SLC38A10: variants seen among roughly 807,000 people sequenced by gnomAD.
The protein encoded by SLC38A10 is solute carrier family 38 member 10.
SLC38A10 carries 53 observed loss-of-function variants against 81.0 expected under a neutral mutation model. That is an observed-to-expected ratio of 0.65 (90% CI 0.53 to 0.82). The LOEUF (loss-of-function observed/expected upper bound fraction) is 0.82. Ranked by LOEUF, SLC38A10 falls within the 40% of genes least tolerant of loss-of-function variation. The pLI is 0.00. For synonymous variants in SLC38A10, 665 were observed against 655.3 expected (o/e 1.01, Z -0.23); for missense variants, 1,471 against 1,545.0 (o/e 0.95, Z 0.80).
chr17:81,246,790 G>A, intron 15 of SLC38A10, 95 bp downstream of exon 15: 1 of 1,513,756 alleles, frequency 6.6e-7, no homozygotes, highest in Non-Finnish European at 8.9e-7. Flanking sequence ...TCACGCTCAG[G>A]TCTAGAGGCC....
chr17:81,255,603 G>C (rs2062964511), intron 11 of SLC38A10, among the ~76,000 whole-genome samples: 1 of 152,204 alleles, frequency 6.6e-6, no homozygotes, highest in African/African-American at 2.4e-5. Context: ...CCACAGTAGA[G>C]GCGGCCACGG....
Position 81,280,674 on chromosome 17 carries a change from G to C in SLC38A10, c.561C>G (p.Ser187Arg). The C allele has an allele frequency of 6.2e-7, 1 of 1,609,710 alleles. No individual in the cohort carries two copies. Among genetic ancestry groups the C allele is most frequent in the Non-Finnish European group, 8.5e-7 (1 of 1,178,932 alleles). The change falls in exon 6 of 16, where the codon AGC (serine) becomes AGG (arginine). Residue 187 changes from serine (S) to arginine (R), a missense_variant. This residue lies in a region of SLC38A10 where 720 missense variants were observed against 827.7 expected (regional missense o/e 0.87). Transcript: ENST00000374759. ...GGAAGACGCCCTCCCAGCGGACGTA[G>C]CTGACCCGCCGCAGCCACTGCCCAC... ...LFSGQWLRRVSYVRWEGVFRC... is the reference protein window; with the variant it reads ...LFSGQWLRRVRYVRWEGVFRC...
rs897210970 is a variant in SLC38A10 at position 81,288,608 on chromosome 17, A to T, written c.217+1083T>A. 1 of 152,328 alleles carries T rather than the reference A, an allele frequency of 6.6e-6. No homozygotes were observed. The highest frequency in any genetic ancestry group is 2.4e-5 in the African/African-American group (1 of 41,460). The allele number at this position is 152,328 out of a possible 1,614,324, so 9.4% of individuals were successfully genotyped here. ...GCGCCCTCGAAGACAAACAACGTAG[A>T]AAATATTCCACACTGAAATGAAGCA... On this transcript the variant is annotated intron_variant, in intron 2 of 15. Coordinates refer to ENST00000374759, the MANE Select transcript of SLC38A10 (RefSeq NM_001037984.3). This position sits in a 1 kb window ranked among gnomAD's most constrained non-coding sequence, Gnocchi z 5.4.
chr17:81,292,416 C>T (rs1304501742), intron 1 of SLC38A10, among the ~76,000 whole-genome samples: 4 of 152,006 alleles, frequency 2.6e-5, no homozygotes, highest in African/African-American at 2.4e-5. Flanking sequence ...TGAGCCAACA[C>T]GCCCAGCTAT....
chr17:81,293,117 T>C (rs1368402220), intron 1 of SLC38A10, among the ~76,000 whole-genome samples: 1 of 152,218 alleles, frequency 6.6e-6, no homozygotes, highest in Non-Finnish European at 1.5e-5. Context: ...GAGCCGAGAC[T>C]GCACCACTGC....
chr17:81,254,894 G>C (rs565378525), intron 11 of SLC38A10, among the ~76,000 whole-genome samples: 1 of 152,270 alleles, frequency 6.6e-6, no homozygotes, highest in Non-Finnish European at 1.5e-5. Context: ...GGATTACTAA[G>C]TGAAGAAAGG....
chr17:81,262,061 TTAAGA>T (rs1454656421), intron 10 of SLC38A10, among the ~76,000 whole-genome samples: 1 of 152,134 alleles, frequency 6.6e-6, no homozygotes, highest in Admixed American at 6.5e-5. Flanking sequence ...CAAAGCAGTC[TTAAGA>T]TAATAAAAAG....
At chr17:81,250,845 C>G in intron 14 of SLC38A10, 1 of 1,022,766 alleles carries the variant, frequency 9.8e-7, no homozygotes, top group South Asian at 4.3e-5. Context: ...AAAAAGCCAA[C>G]AGCTGAGACC....
At chr17:81,269,564 C>A (rs903874105) in intron 10 of SLC38A10, among the ~76,000 whole-genome samples, 4 of 152,148 alleles carry the variant, frequency 2.6e-5, no homozygotes, top group African/African-American at 9.7e-5. Flanking sequence ...CAAGATCATT[C>A]CAGAATGCCG....
intron 11 of SLC38A10, among the ~76,000 whole-genome samples, chr17:81,255,225 G>A (rs929533290): frequency 6.8e-4 from 103 of 152,376 alleles, no homozygotes; most frequent in African/African-American, 2.0e-3. Context: ...CTGGCTCCCC[G>A]CCGCCTGCAG....
Position 81,277,524 on chromosome 17 carries a change from G to A in SLC38A10, c.627-391C>T, listed in dbSNP as rs962884030. Among the ~76,000 whole-genome samples the A allele has an allele frequency of 2.6e-5, 4 of 152,244 alleles. No homozygotes were observed. Among genetic ancestry groups the A allele is most frequent in the South Asian group, 2.1e-4 (1 of 4,832 alleles). On this transcript the variant is annotated intron_variant, in intron 6 of 15. Coordinates refer to ENST00000374759, the MANE Select transcript of SLC38A10 (RefSeq NM_001037984.3). The surrounding 1 kb of genome is among the most constrained non-coding windows in gnomAD (Gnocchi z 4.5). Reference sequence around the variant, plus strand: ...TAAACAAACACACCCTGGCCTGGGCGGCCGGCCCATCTCGGCGCCTCCATC... The same window carrying A: ...TAAACAAACACACCCTGGCCTGGGCAGCCGGCCCATCTCGGCGCCTCCATC...
At chr17:81,254,519 C>T (rs1369315725) in intron 11 of SLC38A10, among the ~76,000 whole-genome samples, 1 of 152,218 alleles carries the variant, frequency 6.6e-6, no homozygotes, top group Non-Finnish European at 1.5e-5. Flanking sequence ...ACAATTTCGG[C>T]TCACTGCAAC....
In SLC38A10 at chr17:81,283,091, G is replaced by A. The variant is rs954289426; in HGVS notation, c.357+318C>T. Among the ~76,000 whole-genome samples the A allele has an allele frequency of 6.6e-6, 1 of 152,138 alleles. No homozygotes were observed. Among genetic ancestry groups the A allele is most frequent in the Admixed American group, 6.5e-5 (1 of 15,284 alleles). On this transcript the variant is annotated intron_variant, in intron 4 of 15. Coordinates refer to ENST00000374759, the MANE Select transcript of SLC38A10 (RefSeq NM_001037984.3). The surrounding 1 kb of genome is among the most constrained non-coding windows in gnomAD (Gnocchi z 4.7). ...CCATGGAGGCCGGGGATGCCTGAGGGCCTGGCCGCCTCTGCCCTCCAATGG... is the reference window on the plus strand; with the variant it reads ...CCATGGAGGCCGGGGATGCCTGAGGACCTGGCCGCCTCTGCCCTCCAATGG...
rs758495249 is a variant in SLC38A10 at position 81,246,508 on chromosome 17, A to G, written c.2408T>C (p.Leu803Pro). ...APSQDLNQRS[L>P]EHSEGPVGRD... is the part of the protein sequence containing the mutation. ...GCCCACAGGCCCCTCAGAGTGCTCCAGGGAGCGCTGGTTAAGGTCCTGGGA... is the reference window on the plus strand; with the variant it reads ...GCCCACAGGCCCCTCAGAGTGCTCCGGGGAGCGCTGGTTAAGGTCCTGGGA... Residue 803 changes from leucine (L) to proline (P), a missense_variant, in exon 16 of 16, where the codon CTG becomes CCG. Leu to Pro is a moderately conservative substitution (Grantham distance 98). This residue lies in a region of SLC38A10 where 751 missense variants were observed against 717.4 expected (regional missense o/e 1.05). Coordinates refer to ENST00000374759, the MANE Select transcript of SLC38A10 (RefSeq NM_001037984.3). 6.5e-7 allele frequency: 1 copy of G among 1,534,038 alleles called. No individual in the cohort carries two copies. The highest frequency in any genetic ancestry group is 2.1e-5 in the Admixed American group (1 of 46,824).
At chr17:81,268,283 C>G (rs557326950) in intron 10 of SLC38A10, among the ~76,000 whole-genome samples, 1 of 152,280 alleles carries the variant, frequency 6.6e-6, no homozygotes, top group African/African-American at 2.4e-5. Flanking sequence ...CCCAGAACTT[C>G]TACGATTTCT....
rs1003165974 is a variant in SLC38A10, at chr17:81,284,799, G to A, written c.263+51C>T. 2.8e-6 allele frequency: 4 copies of A among 1,433,364 alleles called. No individual in the cohort carries two copies. In the African/African-American group the frequency reaches 5.8e-5, roughly 21 times the overall value. The allele number at this position is 1,433,364 out of a possible 1,614,324, so 88.8% of individuals were successfully genotyped here. A position where few individuals can be genotyped will look rare whatever the true frequency, so the allele number is the denominator to read the frequency against. On this transcript the variant is annotated intron_variant, in intron 3 of 15. Coordinates refer to ENST00000374759, the MANE Select transcript of SLC38A10 (RefSeq NM_001037984.3). ...GCCGCTCCCACCGGGAGGGTCCCCA[G>A]TGTCTGGGTGCGGGGGTGGGGGGCA...
rs1164510169 is a variant in SLC38A10, at chr17:81,246,884, C to T, written c.2242+1G>A. 2 of 1,588,562 alleles carry T rather than the reference C, an allele frequency of 1.3e-6. No homozygotes were observed. Among genetic ancestry groups the T allele is most frequent in the Non-Finnish European group, 8.6e-7 (1 of 1,164,856 alleles). ...CCACTCCATCCGCCAGCCCGGCCTA[C>T]CCTGCCTGGGTTTATCCTCCTCGTC... On this transcript the variant is annotated splice_donor_variant, in intron 15 of 15. Coordinates refer to ENST00000374759, the MANE Select transcript of SLC38A10 (RefSeq NM_001037984.3). LOFTEE classifies it high-confidence loss of function.
intron 14 of SLC38A10, chr17:81,250,005 C>T: frequency 7.9e-7 from 1 of 1,266,686 alleles, no homozygotes; most frequent in Non-Finnish European, 1.0e-6. Flanking sequence ...CACCGAGGGG[C>T]TGCGCTCAGG....
At chr17:81,255,699 C>G (rs1044090290) in intron 11 of SLC38A10, among the ~76,000 whole-genome samples, 1 of 152,214 alleles carries the variant, frequency 6.6e-6, no homozygotes, top group African/African-American at 2.4e-5. Flanking sequence ...CATTTGGCTT[C>G]AAAAATCGCC....
Sources: allele counts gnomAD v4.1 joint callset (sites outside exome capture counted in the v4.1 genomes callset), GRCh38; gene constraint gnomAD v4.1.1; regional missense constraint gnomAD v4.1.1; non-coding constraint Gnocchi (gnomAD v3.1); transcripts MANE v1.5; gene names NCBI Gene and HGNC (gene_info 2026-07-23, HGNC 2026-07-21).